The following UPF2 variants were observed in gnomAD, a reference collection of about 807,000 sequenced individuals.
The protein encoded by UPF2 is regulator of nonsense transcripts 2.
A neutral mutation model predicts 141.4 loss-of-function variants in UPF2; 17 were observed. That is an observed-to-expected ratio of 0.12 (90% confidence interval 0.08 to 0.18). The LOEUF (loss-of-function observed/expected upper bound fraction) is 0.18. Among genes scored for constraint, UPF2 ranks in the 10% least tolerant of loss-of-function variants. UPF2 has a pLI of 1.00. For missense variants in UPF2, 1,152 were observed against 1,515.9 expected, an observed-to-expected ratio of 0.76 and a Z score of 3.99; for synonymous variants, 540 against 498.0, an observed-to-expected ratio of 1.08 and a Z score of -1.12.
At chr10:11,943,446 G>A (rs997015127) in intron 16 of UPF2, among the ~76,000 whole-genome samples, 3 of 152,112 alleles carry the variant, frequency 2.0e-5, no homozygotes, top group Admixed American at 1.3e-4. Flanking sequence ...AGTTTCCTGA[G>A]CCTTTTGTGT....
At chr10:11,966,904 G>A (rs1277502714) in intron 10 of UPF2, among the ~76,000 whole-genome samples, 2 of 152,206 alleles carry the variant, frequency 1.3e-5, no homozygotes, top group East Asian at 3.8e-4. Context: ...GTATTCACAT[G>A]ACAGAGTAAG....
In UPF2 at chr10:11,969,596, ATTAGCC is replaced by A. The variant is rs1386931246; in HGVS notation, c.1954-2148_1954-2143del. ...TACTCAATAAACTTGACTGCTTATT[ATTAGCC>A]TTGTAATTTAGAAAGAAGTACAGCC... On this transcript the variant is annotated intron_variant, in intron 9 of 21. Coordinates refer to ENST00000357604, the MANE Select transcript of UPF2 (RefSeq NM_015542.4). Among the ~76,000 whole-genome samples the A allele has an allele frequency of 2.6e-5, 4 of 152,222 alleles. No individual in the cohort carries two copies. In the South Asian group the frequency reaches 6.2e-4, roughly 24 times the overall value.
intron 9 of UPF2, among the ~76,000 whole-genome samples, chr10:11,971,518 C>G (rs574012883): frequency 6.6e-6 from 1 of 152,282 alleles, no homozygotes; most frequent in Admixed American, 6.5e-5. Context: ...ACCCAAAGTG[C>G]TGGGATTACA....
chr10:11,996,560 T>A (rs1833867918), intron 8 of UPF2, among the ~76,000 whole-genome samples: 1 of 152,144 alleles, frequency 6.6e-6, no homozygotes, highest in African/African-American at 2.4e-5. Context: ...GTCAGGCTGG[T>A]CTCAAACTCC....
intron 20 of UPF2, 148 bp from the exon 21 acceptor site, chr10:11,930,133 A>AT: frequency 8.8e-7 from 1 of 1,142,298 alleles, no homozygotes; most frequent in Admixed American, 2.7e-5. Flanking sequence ...GACTAAAATG[A>AT]TTAAGAAGTT....
In UPF2 at chr10:11,992,582, C is replaced by A. The variant is rs951952932; in HGVS notation, c.1844+5090G>T. Among the ~76,000 whole-genome samples the A allele has an allele frequency of 5.3e-5, 8 of 151,976 alleles. No individual in the cohort carries two copies. Among genetic ancestry groups the A allele is most frequent in the Non-Finnish European group, 8.8e-5 (6 of 68,020 alleles). ...CAAGAAACATACACTCATGCGTGCA[C>A]ACTAAATTAAAAAATATAAAAGACC... On this transcript the variant is annotated intron_variant, in intron 8 of 21. Transcript: ENST00000357604. This position sits in a 1 kb window ranked among gnomAD's most constrained non-coding sequence, Gnocchi z 4.1.
At chr10:11,934,884 G>A (rs568006110) in intron 19 of UPF2, among the ~76,000 whole-genome samples, 7 of 152,184 alleles carry the variant, frequency 4.6e-5, no homozygotes, top group East Asian at 1.9e-4. Context: ...CACTATGCCC[G>A]GCCACACACC....
intron 3 of UPF2, among the ~76,000 whole-genome samples, chr10:12,028,465 T>G (rs912337855): frequency 3.9e-5 from 6 of 152,198 alleles, no homozygotes; most frequent in Non-Finnish European, 8.8e-5. Context: ...CCCTTGATTA[T>G]TAAGGAGTAT....
At chr10:12,038,100 G>C (rs1350815685) in intron 1 of UPF2, among the ~76,000 whole-genome samples, 1 of 152,056 alleles carries the variant, frequency 6.6e-6, no homozygotes, top group African/African-American at 2.4e-5. Context: ...TCGTCATTAG[G>C]GGCTGGGTGC....
Position 11,936,785 on chromosome 10 carries a change from C to A in UPF2, c.3379-73G>T. On this transcript the variant is annotated intron_variant, in intron 18 of 21. Transcript: ENST00000357604. The surrounding 1 kb of genome is among the most constrained non-coding windows in gnomAD (Gnocchi z 6.6). ...GATATATGTCAATATAAATTGCAAA[C>A]TCATTCAATGCTGTATTTCTTAAAA... The A allele has an allele frequency of 7.2e-7, 1 of 1,386,746 alleles. No homozygotes were observed. Among genetic ancestry groups the A allele is most frequent in the South Asian group, 1.6e-5 (1 of 62,360 alleles). The allele number at this position is 1,386,746 out of a possible 1,614,324, so 85.9% of individuals were successfully genotyped here.
At chr10:12,008,265 A>C (rs1834068383) in intron 4 of UPF2, among the ~76,000 whole-genome samples, 1 of 152,140 alleles carries the variant, frequency 6.6e-6, no homozygotes, top group African/African-American at 2.4e-5. Flanking sequence ...ACAGCCAATA[A>C]ACTTAAAGAT....
intron 8 of UPF2, among the ~76,000 whole-genome samples, chr10:11,988,266 C>A (rs1468075884): frequency 3.9e-5 from 6 of 152,198 alleles, no homozygotes; most frequent in Non-Finnish European, 5.9e-5. Context: ...TAATGCCTAA[C>A]ACAATGTAAA....
intron 21 of UPF2, 131 bp downstream of exon 21, chr10:11,929,734 A>G: frequency 3.0e-6 from 4 of 1,336,844 alleles, no homozygotes; most frequent in Non-Finnish European, 4.1e-6. Flanking sequence ...CTATTTTGCT[A>G]AAATATCAAA....
chr10:11,923,571 C>G (rs1832673238), intron 21 of UPF2, among the ~76,000 whole-genome samples: 1 of 151,750 alleles, frequency 6.6e-6, no homozygotes. Context: ...ATCCCAGCTA[C>G]TCGGGAGGCT....
chr10:12,026,776 AC>A, intron 3 of UPF2: 1 of 396,940 alleles, frequency 2.5e-6, no homozygotes, highest in Non-Finnish European at 4.9e-6. Context: ...TCAGTCCCCC[AC>A]AAGTAGCTGG....
intron 15 of UPF2, among the ~76,000 whole-genome samples, chr10:11,950,073 A>G (rs1833053953): frequency 6.6e-6 from 1 of 152,204 alleles, no homozygotes; most frequent in South Asian, 2.1e-4. Flanking sequence ...AAAATTTAAA[A>G]AGAGTAGAAA....
At chr10:12,038,960 C>A (rs1834685654) in intron 1 of UPF2, among the ~76,000 whole-genome samples, 1 of 152,128 alleles carries the variant, frequency 6.6e-6, no homozygotes, top group Non-Finnish European at 1.5e-5. Flanking sequence ...AGCCACTATA[C>A]CCGGGCAGCA....
chr10:12,011,391 A>G (rs1175148331), intron 4 of UPF2, among the ~76,000 whole-genome samples: 1 of 151,970 alleles, frequency 6.6e-6, no homozygotes, highest in Non-Finnish European at 1.5e-5. Flanking sequence ...TTGAGCTCAA[A>G]GTTCGAGACC....
At chr10:11,984,718 TAA>T (rs34157281) in intron 8 of UPF2, among the ~76,000 whole-genome samples, 45 of 130,430 alleles carry the variant, frequency 3.5e-4, no homozygotes, top group Middle Eastern at 3.9e-3. Context: ...CTTTGCTCTT[TAA>T]AAAAAAAAAA....
Sources: gnomAD v4.1 joint callset for allele counts (sites outside exome capture counted in the v4.1 genomes callset) on GRCh38, gnomAD v4.1.1 for gene constraint, Gnocchi (gnomAD v3.1) non-coding constraint, MANE v1.5 for transcripts, NCBI Gene and HGNC (gene_info 2026-07-23, HGNC 2026-07-21) for gene names.